Variants in PRKAR1A observed in about 807,000 individuals in gnomAD.
PRKAR1A encodes the protein protein kinase cAMP-dependent type I regulatory subunit alpha.
In PRKAR1A, 3 loss-of-function variants were observed where a neutral mutation model predicts 52.0. The observed-to-expected ratio is 0.06, with a 90% CI of 0.03 to 0.15. The LOEUF (loss-of-function observed/expected upper bound fraction) is 0.15. Among genes scored for constraint, PRKAR1A ranks in the 10% least tolerant of loss-of-function variants. PRKAR1A has a pLI of 1.00. For synonymous variants in PRKAR1A, 188 were observed against 168.4 expected, an observed-to-expected ratio of 1.12 and a Z score of -0.90; for missense variants, 240 against 477.4, an observed-to-expected ratio of 0.50 and a Z score of 4.63.
chr17:68,446,028 G>T, the PRKAR1A span, among the ~76,000 whole-genome samples: 9 of 152,162 alleles, frequency 5.9e-5, no homozygotes, highest in Non-Finnish European at 1.3e-4. Context: ...ACATCAGCTA[G>T]AAGGGAAGGT....
chr17:68,509,745 C>CT (rs1330505685), upstream of PRKAR1A, among the ~76,000 whole-genome samples: 1 of 152,222 alleles, frequency 6.6e-6, no homozygotes, highest in Non-Finnish European at 1.5e-5. Context: ...GAACAGCTGT[C>CT]TCACTGAACT....
Position 68,531,581 on chromosome 17 carries a change from T to A in PRKAR1A, c.*1132T>A. The A allele has an allele frequency of 9.4e-7, 1 of 1,066,412 alleles. No individual in the cohort carries two copies. Among genetic ancestry groups the A allele is most frequent in the East Asian group, 5.0e-5 (1 of 20,170 alleles). 66.1% of individuals were successfully genotyped at this position (1,066,412 alleles called of 1,614,324 possible). ...TAGTCTTTTTTTCCTTCCTTTTTAT[T>A]CAGCTAGAATTTCTGGTGGGTTGAT... On this transcript the variant is annotated 3_prime_UTR_variant, in exon 11 of 11. Transcript: ENST00000589228.
At chr17:68,528,524 A>T (rs924479179) in intron 8 of PRKAR1A, 4 of 250,882 alleles carry the variant, frequency 1.6e-5, no homozygotes, top group African/African-American at 9.0e-5. Context: ...ATGGATGGGG[A>T]AACTATGACT....
At chr17:68,428,638 T>A in the PRKAR1A span, 1 of 553,424 alleles carries the variant, frequency 1.8e-6, no homozygotes, top group Non-Finnish European at 3.3e-6. Flanking sequence ...CTTTTCCAGA[T>A]GATTACCACA....
chr17:68,471,681 T>C, the PRKAR1A span, among the ~76,000 whole-genome samples: 1 of 152,232 alleles, frequency 6.6e-6, no homozygotes, highest in African/African-American at 2.4e-5. Flanking sequence ...AGTACTTTCT[T>C]GCCTAATGCT....
chr17:68,427,067 G>T, the PRKAR1A span: 1 of 1,298,674 alleles, frequency 7.7e-7, no homozygotes. Context: ...AGGGGAGGGA[G>T]CGTGCAGGGA....
chr17:68,433,440 AGCATTTGGT>A, the PRKAR1A span: 13 of 1,597,314 alleles, frequency 8.1e-6, no homozygotes, highest in Admixed American at 2.2e-4. Flanking sequence ...TCGTTTAATG[AGCATTTGGT>A]GCCCCGCGGA....
rs11540571 is a variant in PRKAR1A at position 68,530,600 on chromosome 17, A to G, written c.*151A>G. ...TATTGAAAGTTGCTTTTATTGCACC[A>G]TTTTCAATTTGGAGCATTAACTAAA... On this transcript the variant is annotated 3_prime_UTR_variant, in exon 11 of 11. Coordinates refer to ENST00000589228, the MANE Select transcript of PRKAR1A (RefSeq NM_002734.5). The G allele has an allele frequency of 2.6e-3, 4,017 of 1,540,042 alleles. 33 individuals are homozygous for G. The Admixed American group carries it at 0.027, about 10-fold the overall frequency.
At chr17:68,513,554 G>C (rs1172717424) in intron 1 of PRKAR1A, among the ~76,000 whole-genome samples, 2 of 152,238 alleles carry the variant, frequency 1.3e-5, no homozygotes. Flanking sequence ...TTTACATAGA[G>C]ACAATGCAGC....
chr17:68,438,852 G>A, the PRKAR1A span, among the ~76,000 whole-genome samples: 31 of 152,108 alleles, frequency 2.0e-4, no homozygotes, highest in African/African-American at 5.3e-4. Context: ...CATCTGCCTC[G>A]GCCTCCCAAA....
the PRKAR1A span, among the ~76,000 whole-genome samples, chr17:68,485,069 A>G: frequency 6.6e-6 from 1 of 152,226 alleles, no homozygotes. Flanking sequence ...AACAACTTGA[A>G]CTTCTATGAT....
rs2086267651 is a variant in PRKAR1A, at chr17:68,541,052, C to T, written c.974-10032C>T. The T allele has an allele frequency of 3.3e-6, 5 of 1,535,034 alleles. No individual in the cohort carries two copies. The African/African-American group carries it at 4.1e-5, about 13-fold the overall frequency. On this transcript the variant is annotated intron_variant, in intron 11 of 11. Coordinates refer to the PRKAR1A transcript ENST00000585981. ...CTCCCCCTGCCCCCCCAATCCCTGC[C>T]TCCCTGATCCTGCCCTGGGCTGGTG...
chr17:68,506,673 G>A, the PRKAR1A span, among the ~76,000 whole-genome samples: 1 of 151,992 alleles, frequency 6.6e-6, no homozygotes, highest in East Asian at 1.9e-4. Context: ...TAGTAGAGAC[G>A]GGGTTTCACC....
At chr17:68,432,784 G>A in the PRKAR1A span, among the ~76,000 whole-genome samples, 5 of 152,056 alleles carry the variant, frequency 3.3e-5, no homozygotes, top group Non-Finnish European at 5.9e-5. Context: ...TTTTCAAAGC[G>A]CTCTTTCTCT....
the PRKAR1A span, among the ~76,000 whole-genome samples, chr17:68,479,678 A>G: frequency 0.22 from 33,527 of 152,084 alleles, 3,912 homozygotes; most frequent in South Asian, 0.25. Context: ...ATTTTTCTGC[A>G]TTTAACATCC....
At chr17:68,421,982 G>C in the PRKAR1A span, 5 of 753,976 alleles carry the variant, frequency 6.6e-6, no homozygotes, top group Non-Finnish European at 1.1e-5. Context: ...TGGTCACCCA[G>C]CTTATTTAGG....
chr17:68,522,536 A>G (rs569979056), intron 2 of PRKAR1A, among the ~76,000 whole-genome samples: 25 of 152,344 alleles, frequency 1.6e-4, no homozygotes, highest in South Asian at 2.1e-4. Flanking sequence ...TTGCCCATTA[A>G]TAAAGGATAG....
chr17:68,481,413 A>C, the PRKAR1A span, among the ~76,000 whole-genome samples: 1 of 152,228 alleles, frequency 6.6e-6, no homozygotes, highest in African/African-American at 2.4e-5. Context: ...GTTTTCCTGC[A>C]ACTAGACGGT....
the PRKAR1A span, among the ~76,000 whole-genome samples, chr17:68,498,686 T>C: frequency 6.6e-6 from 1 of 152,226 alleles, no homozygotes; most frequent in African/African-American, 2.4e-5. Flanking sequence ...AACCTGGCAA[T>C]TGGCCCTAGT....
Sources: gnomAD v4.1 joint callset for allele counts (sites outside exome capture counted in the v4.1 genomes callset) on GRCh38, gnomAD v4.1.1 for gene constraint, MANE v1.5 for transcripts, NCBI Gene and HGNC (gene_info 2026-07-23, HGNC 2026-07-21) for gene names.